Variants in TNRC6B observed in about 807,000 individuals in gnomAD.
TNRC6B encodes the protein trinucleotide repeat-containing gene 6B protein.
TNRC6B carries 52 observed loss-of-function variants against 203.6 expected under a neutral mutation model. The observed-to-expected ratio is 0.26, with a 90% CI of 0.20 to 0.32. The LOEUF is 0.32. TNRC6B is among the 10% of genes least tolerant of loss of function. The pLI is 1.00. For missense variants in TNRC6B, 1,923 were observed against 2,286.2 expected, an observed-to-expected ratio of 0.84 and a Z score of 3.24; for synonymous variants, 838 against 845.7, an observed-to-expected ratio of 0.99 and a Z score of 0.16.
intron 4 of TNRC6B, among the ~76,000 whole-genome samples, chr22:40,166,314 TAAA>T (rs955941798): frequency 6.6e-6 from 1 of 151,994 alleles, no homozygotes; most frequent in Non-Finnish European, 1.5e-5. Flanking sequence ...AATGGCAACT[TAAA>T]AAAATTAACA....
rs1378850603 is a variant in TNRC6B, at chr22:40,266,686, A to T, written c.2456A>T (p.Gln819Leu). Reference protein sequence around the residue: ...TGRQPNSWNKQHQQQQPPQQP... With the variant: ...TGRQPNSWNKLHQQQQPPQQP... ...CGACAGCCCAATTCCTGGAATAAAC[A>T]ACACCAACAGCAGCAGCCCCCACAG... Residue 819 changes from glutamine (Q) to leucine (L), a missense_variant, in exon 5 of 23, where the codon CAA becomes CTA. Coordinates refer to ENST00000454349, the MANE Select transcript of TNRC6B (RefSeq NM_001162501.2). 6.2e-7 allele frequency: 1 copy of T among 1,613,934 alleles called. No homozygotes were observed. Among genetic ancestry groups the T allele is most frequent in the Non-Finnish European group, 8.5e-7 (1 of 1,179,852 alleles).
In TNRC6B at chr22:40,178,147, A is replaced by G. The variant is rs556460759; in HGVS notation, c.5+7A>G. On this transcript the variant is annotated splice_region_variant and intron_variant, in intron 1 of 22. Coordinates refer to ENST00000454349, the MANE Select transcript of TNRC6B (RefSeq NM_001162501.2). ...CACTGCTGCACTTTATGAGGTTGGT[A>G]AATATTTTCAATTTTTTTTAACCAA... is the stretch of plus-strand genomic sequence containing the variant. 39 of 1,613,606 alleles carry G rather than the reference A, an allele frequency of 2.4e-5. No individual in the cohort carries two copies. In the South Asian group the frequency reaches 3.8e-4, roughly 16 times the overall value.
At chr22:40,201,765 TCCAAAATGCTCTACAAC>T (rs1279590924) in intron 1 of TNRC6B, among the ~76,000 whole-genome samples, 4 of 151,914 alleles carry the variant, frequency 2.6e-5, no homozygotes, top group African/African-American at 9.7e-5. Context: ...AATCTGAAAA[TCCAAAATGCTCTACAAC>T]CCAAAATGCT....
chr22:40,302,934 G>T (rs1168349857), intron 15 of TNRC6B, among the ~76,000 whole-genome samples: 1 of 152,040 alleles, frequency 6.6e-6, no homozygotes, highest in Non-Finnish European at 1.5e-5. Flanking sequence ...GGTCAGCTCT[G>T]TGCTCATCTG....
At chr22:40,306,183 C>T (rs1010234969) in intron 15 of TNRC6B, among the ~76,000 whole-genome samples, 1 of 152,098 alleles carries the variant, frequency 6.6e-6, no homozygotes, top group African/African-American at 2.4e-5. Context: ...GTCCCAGCTG[C>T]TCGGGAGGCT....
At chr22:40,209,796 GGATCACGA>G (rs1221205911) in intron 1 of TNRC6B, among the ~76,000 whole-genome samples, 4 of 152,088 alleles carry the variant, frequency 2.6e-5, no homozygotes, top group Non-Finnish European at 4.4e-5. Flanking sequence ...TGAGGTGGGT[GGATCACGA>G]GGTCAGCAGT....
At chr22:40,227,950 A>G (rs1480301900) in intron 1 of TNRC6B, among the ~76,000 whole-genome samples, 2 of 152,154 alleles carry the variant, frequency 1.3e-5, no homozygotes, top group Non-Finnish European at 2.9e-5. Context: ...TTTAGGAGCC[A>G]TATTTCATCA....
intron 12 of TNRC6B, among the ~76,000 whole-genome samples, chr22:40,297,244 T>G (rs1313666920): frequency 6.6e-6 from 1 of 152,214 alleles, no homozygotes; most frequent in African/African-American, 2.4e-5. Flanking sequence ...TGTGGATTAG[T>G]AACTGACGAT....
At chr22:40,061,880 C>G (rs916756702) in intron 1 of TNRC6B, among the ~76,000 whole-genome samples, 3 of 152,040 alleles carry the variant, frequency 2.0e-5, no homozygotes, top group African/African-American at 7.2e-5. Flanking sequence ...TCGAGACCAG[C>G]CTAGCCAACA....
chr22:40,268,782 G>A (rs980446149), intron 5 of TNRC6B, among the ~76,000 whole-genome samples: 1 of 151,916 alleles, frequency 6.6e-6, no homozygotes, highest in Non-Finnish European at 1.5e-5. Context: ...CGTGGTGGCG[G>A]GCACCTGTAG....
Position 40,310,677 on chromosome 22 carries a change from G to A in TNRC6B, c.4259-140G>A, listed in dbSNP as rs151179426. 9.4e-3 allele frequency: 7,923 copies of A among 840,548 alleles called. 115 individuals are homozygous for A. Among genetic ancestry groups the A allele is most frequent in the South Asian group, 0.039 (1,824 of 46,564 alleles). 52.1% of individuals were successfully genotyped at this position (840,548 alleles called of 1,614,324 possible). ...GCTTAGTAATTCTGTGCTGAGTCTC[G>A]AATGCAACCTCTTATTCCAGTGCTG... On this transcript the variant is annotated intron_variant, in intron 16 of 22. Coordinates refer to ENST00000454349, the MANE Select transcript of TNRC6B (RefSeq NM_001162501.2).
chr22:40,072,176 G>A (rs757362279), intron 1 of TNRC6B, among the ~76,000 whole-genome samples: 1 of 152,168 alleles, frequency 6.6e-6, no homozygotes, highest in African/African-American at 2.4e-5. Context: ...GATTGAAAGT[G>A]TCTGAGTATT....
intron 20 of TNRC6B, 102 bp from the exon 21 acceptor site, chr22:40,315,840 A>G (rs1179119602): frequency 3.4e-5 from 31 of 910,596 alleles, no homozygotes; most frequent in Non-Finnish European, 3.9e-5. Context: ...GAATTTATAA[A>G]AGCAGAGAAG....
At chr22:40,271,286 T>C (rs535736428) in intron 6 of TNRC6B, among the ~76,000 whole-genome samples, 1 of 152,302 alleles carries the variant, frequency 6.6e-6, no homozygotes, top group Non-Finnish European at 1.5e-5. Flanking sequence ...TTTTCTACCA[T>C]ATAGAAGCAG....
chr22:40,282,556 T>C (rs1347453451), intron 11 of TNRC6B, among the ~76,000 whole-genome samples: 1 of 152,230 alleles, frequency 6.6e-6, no homozygotes, highest in Non-Finnish European at 1.5e-5. Context: ...TAATGGTGAT[T>C]GTAAATGTGG....
chr22:40,203,288 A>AC (rs2069437390), intron 1 of TNRC6B, among the ~76,000 whole-genome samples: 1 of 151,906 alleles, frequency 6.6e-6, no homozygotes, highest in South Asian at 2.1e-4. Flanking sequence ...GGTCTGGCCC[A>AC]CCCCCTTAAT....
chr22:40,125,262 G>A (rs1481306791), intron 2 of TNRC6B, among the ~76,000 whole-genome samples: 1 of 152,046 alleles, frequency 6.6e-6, no homozygotes, highest in Non-Finnish European at 1.5e-5. Flanking sequence ...TGAAAAGTGG[G>A]GCCAGCCATT....
At chr22:40,155,154 G>A (rs986455631) in intron 3 of TNRC6B, among the ~76,000 whole-genome samples, 1 of 151,208 alleles carries the variant, frequency 6.6e-6, no homozygotes, top group Non-Finnish European at 1.5e-5. Context: ...ATTTTTTTCT[G>A]TTAAAAATAA....
In TNRC6B at chr22:40,330,811, T is replaced by G. The variant is rs2071457388; in HGVS notation, c.*7570T>G. ...CGGTCAGCTTTAGTCATTAGGGAAG[T>G]CAAAGTTCCTCCTGGAAGTCCCAGG... is the stretch of plus-strand genomic sequence containing the variant. On this transcript the variant is annotated 3_prime_UTR_variant, in exon 23 of 23. Coordinates refer to ENST00000454349, the MANE Select transcript of TNRC6B (RefSeq NM_001162501.2). The G allele has an allele frequency of 6.6e-6, 1 of 152,578 alleles. No individual in the cohort carries two copies. Among genetic ancestry groups the G allele is most frequent in the African/African-American group, 2.4e-5 (1 of 41,408 alleles). The allele number at this position is 152,578 out of a possible 1,614,324, so 9.5% of individuals were successfully genotyped here. A position where few individuals can be genotyped will look rare whatever the true frequency, so the allele number is the denominator to read the frequency against.
Sources: allele counts gnomAD v4.1 joint callset (sites outside exome capture counted in the v4.1 genomes callset), GRCh38; gene constraint gnomAD v4.1.1; transcripts MANE v1.5; gene names NCBI Gene and HGNC (gene_info 2026-07-23, HGNC 2026-07-21).